MPHOSPH8: variants seen among roughly 807,000 people sequenced by gnomAD.
MPHOSPH8 encodes M-phase phosphoprotein, mpp.
Under a neutral mutation model 87.3 loss-of-function variants are expected in MPHOSPH8, and 45 were observed. The ratio of observed to expected loss-of-function variants is 0.52; its 90% CI spans 0.41 to 0.66. The LOEUF is 0.66. Ranked by LOEUF, MPHOSPH8 falls within the 30% of genes least tolerant of loss-of-function variation. MPHOSPH8 has a pLI of 0.00. For synonymous variants in MPHOSPH8, 366 were observed against 376.9 expected (o/e 0.97, Z 0.33); for missense variants, 883 against 1,020.2 (o/e 0.87, Z 1.83).
intron 8 of MPHOSPH8, 61 bp downstream of exon 8, chr13:19,661,899 G>A: frequency 6.6e-7 from 1 of 1,519,594 alleles, no homozygotes; most frequent in Non-Finnish European, 8.9e-7. Flanking sequence ...GATGGACTGA[G>A]AGGATCTCTT....
chr13:19,664,402 G>A (rs1379192838), intron 9 of MPHOSPH8, among the ~76,000 whole-genome samples: 3 of 152,300 alleles, frequency 2.0e-5, no homozygotes, highest in Non-Finnish European at 2.9e-5. Context: ...GCATGAGAGA[G>A]GTGGGTGGGC....
At chr13:19,665,003 C>T (rs1174957206) in intron 9 of MPHOSPH8, among the ~76,000 whole-genome samples, 1 of 152,084 alleles carries the variant, frequency 6.6e-6, no homozygotes, top group Non-Finnish European at 1.5e-5. Context: ...AGCACCTCCC[C>T]CACACAGCAG....
rs1181380501 is a variant in MPHOSPH8 at position 19,669,212 on chromosome 13, TC to T, written c.2329+684del. The stretch of plus-strand genomic sequence containing the variant: ...GTTGCTGTTGTTTTGAGATGGAGTC[TC>T]CCTGTGTCACCCAGGCTGCAGTGCA... On this transcript the variant is annotated intron_variant, in intron 11 of 13. Coordinates refer to ENST00000361479, the MANE Select transcript of MPHOSPH8 (RefSeq NM_017520.4). Among the ~76,000 whole-genome samples, 4 of 152,294 alleles carry T rather than the reference TC, an allele frequency of 2.6e-5. No individual in the cohort carries two copies. The East Asian group carries it at 7.7e-4, about 29-fold the overall frequency.
chr13:19,666,383 G>A, intron 9 of MPHOSPH8, 42 bp from the exon 10 acceptor site: 3 of 1,570,842 alleles, frequency 1.9e-6, no homozygotes, highest in Non-Finnish European at 2.6e-6. Context: ...CCATGCCACA[G>A]TTTACAGCTA....
In MPHOSPH8 at chr13:19,673,054, C is replaced by CA. The variant is rs752838814; in HGVS notation, c.*1193dup. 15,867 of 380,786 alleles carry CA rather than the reference C, an allele frequency of 0.042. 141 individuals are homozygous for CA. The highest frequency in any genetic ancestry group is 0.1 in the African/African-American group (3,975 of 39,856). The allele number at this position is 380,786 out of a possible 1,614,324, so 23.6% of individuals were successfully genotyped here. A position where few individuals can be genotyped will look rare whatever the true frequency, so the allele number is the denominator to read the frequency against. On this transcript the variant is annotated 3_prime_UTR_variant, in exon 14 of 14. Transcript: ENST00000361479. ...TGAGTGACAGAATGAGACCTTGTCTCAAAAAAAAAAAAAAGTTTCTTGGAA... is the reference window on the plus strand; with the variant it reads ...TGAGTGACAGAATGAGACCTTGTCTCAAAAAAAAAAAAAAAGTTTCTTGGAA...
intron 1 of MPHOSPH8, among the ~76,000 whole-genome samples, chr13:19,640,224 T>C (rs780552053): frequency 6.6e-5 from 10 of 152,218 alleles, no homozygotes; most frequent in Non-Finnish European, 4.4e-5. Flanking sequence ...AGTCTCCTCA[T>C]CTATAAAATG....
At chr13:19,660,878 G>A (rs1010482044) in intron 7 of MPHOSPH8, 17 of 966,920 alleles carry the variant, frequency 1.8e-5, no homozygotes, top group Middle Eastern at 1.1e-3. Flanking sequence ...AAATTTGATC[G>A]TATGCCCCCC....
intron 5 of MPHOSPH8, among the ~76,000 whole-genome samples, chr13:19,653,863 G>A (rs890122726): frequency 4.6e-5 from 7 of 152,246 alleles, no homozygotes; most frequent in Middle Eastern, 3.4e-3. Flanking sequence ...AGAGGAAAAA[G>A]AATGAAAAGG....
chr13:19,646,777 T>C lies in MPHOSPH8; in HGVS notation c.704T>C (p.Ile235Thr), dbSNP rs1428845339. 1 of 1,576,750 alleles carries C rather than the reference T, an allele frequency of 6.3e-7. No homozygotes were observed. Among genetic ancestry groups the C allele is most frequent in the Non-Finnish European group, 8.6e-7 (1 of 1,165,940 alleles). The change falls in exon 3 of 14, where the codon ATA becomes ACA. Residue 235 changes from isoleucine to threonine, a missense_variant. Transcript: ENST00000361479. ...TTAAAGAAAGTTAAAAAGGGTGAAA[T>C]AAGAGATTTAAAGACGAAAACAAGA... Reference protein sequence around the residue: ...KELKKVKKGEIRDLKTKTRED... With the variant: ...KELKKVKKGETRDLKTKTRED...
rs1262488118 is a variant in MPHOSPH8 at position 19,670,363 on chromosome 13, G to A, written c.2457G>A (p.Leu819=). The part of the protein sequence containing the change: ...LNDKFQLPVF[L]DSHFVYSFSP... ...ATAAATTTCAGCTTCCTGTTTTTCTGGTAAGATACTCTGTATTTCACTACT... is the reference window on the plus strand; with the variant it reads ...ATAAATTTCAGCTTCCTGTTTTTCTAGTAAGATACTCTGTATTTCACTACT... Residue 819 remains leucine (L), a splice_region_variant and synonymous_variant, in exon 12 of 14, where the codon CTG becomes CTA. Transcript: ENST00000361479. The A allele has an allele frequency of 6.2e-7, 1 of 1,613,438 alleles. No homozygotes were observed. Among genetic ancestry groups the A allele is most frequent in the Non-Finnish European group, 8.5e-7 (1 of 1,179,586 alleles).
chr13:19,642,040 G>GTTTTT lies in MPHOSPH8; in HGVS notation c.214-63_214-59dup, dbSNP rs35022508. ...CAAGTTCTTTCATGTCTTCTCATCA[G>GTTTTT]TTTTTTTTTTTTTTTTGGAAATTTA... On this transcript the variant is annotated intron_variant, in intron 1 of 13. Transcript: ENST00000361479. The GTTTTT allele has an allele frequency of 1.6e-3, 894 of 554,690 alleles. 7 individuals are homozygous for GTTTTT. Among genetic ancestry groups the GTTTTT allele is most frequent in the South Asian group, 2.0e-3 (28 of 13,756 alleles). 34.4% of individuals were successfully genotyped at this position (554,690 alleles called of 1,614,324 possible).
chr13:19,671,306 C>T lies in MPHOSPH8; in HGVS notation c.2541+17C>T, dbSNP rs150284975. ...TCTGCCAAGGTGACAGTCCTTTCTT[C>T]ACATTTAGTGTCACTACTCAAGTTG... On this transcript the variant is annotated intron_variant, in intron 13 of 13. Coordinates refer to ENST00000361479, the MANE Select transcript of MPHOSPH8 (RefSeq NM_017520.4). 349 of 1,592,248 alleles carry T rather than the reference C, an allele frequency of 2.2e-4. 5 individuals carry two copies. The East Asian group carries it at 7.6e-3, about 35-fold the overall frequency.
At chr13:19,671,359 G>A in intron 13 of MPHOSPH8, 70 bp downstream of exon 13, 3 of 1,422,570 alleles carry the variant, frequency 2.1e-6, no homozygotes, top group South Asian at 1.2e-5. Context: ...ATCAACATTA[G>A]AAAAAAAATT....
rs374732310 is a variant in MPHOSPH8 at position 19,661,980 on chromosome 13, C to T, written c.1932+142C>T. ...TTTTTTAGACGGAGTCTCGCTCTGT[C>T]GCCGAGGCTGGAGTGCAGTGGCACG... On this transcript the variant is annotated intron_variant, in intron 8 of 13. Transcript: ENST00000361479. 101 of 1,139,428 alleles carry T rather than the reference C, an allele frequency of 8.9e-5. 1 individual carries two copies. The East Asian group carries it at 2.1e-3, about 24-fold the overall frequency. 70.6% of individuals were successfully genotyped at this position (1,139,428 alleles called of 1,614,324 possible).
At chr13:19,669,544 T>C (rs1476582620) in intron 11 of MPHOSPH8, among the ~76,000 whole-genome samples, 1 of 145,304 alleles carries the variant, frequency 6.9e-6, no homozygotes, top group Non-Finnish European at 1.5e-5. Context: ...AGTCTCACAC[T>C]GTTCCCCAGG....
chr13:19,662,327 A>G (rs1219987411), intron 8 of MPHOSPH8, among the ~76,000 whole-genome samples: 1 of 152,028 alleles, frequency 6.6e-6, no homozygotes, highest in Non-Finnish European at 1.5e-5. Flanking sequence ...TGGCACCATC[A>G]TAACTCACTG....
intron 1 of MPHOSPH8, among the ~76,000 whole-genome samples, chr13:19,639,264 G>A (rs1012091835): frequency 2.0e-5 from 3 of 151,654 alleles, no homozygotes; most frequent in Non-Finnish European, 2.9e-5. Flanking sequence ...TCCTGAGCAG[G>A]AGGATTCTAC....
chr13:19,667,424 A>G (rs1024276175), intron 10 of MPHOSPH8, among the ~76,000 whole-genome samples: 1 of 152,164 alleles, frequency 6.6e-6, no homozygotes, highest in Non-Finnish European at 1.5e-5. Context: ...TACCCATTCT[A>G]TGAATTTGGA....
intron 2 of MPHOSPH8, 91 bp downstream of exon 2, chr13:19,642,361 T>A: frequency 2.8e-6 from 3 of 1,090,426 alleles, no homozygotes; most frequent in Admixed American, 3.2e-5. Flanking sequence ...GATTTACAAA[T>A]AACAAAGTGT....
Sources: allele counts gnomAD v4.1 joint callset (sites outside exome capture counted in the v4.1 genomes callset), GRCh38; gene constraint gnomAD v4.1.1; transcripts MANE v1.5; gene names NCBI Gene and HGNC (gene_info 2026-07-23, HGNC 2026-07-21).